Variants in CFAP299 observed in about 807,000 individuals in gnomAD.
CFAP299 encodes cilia and flagella associated protein 299, also known as cilia- and flagella-associated protein 299.
In CFAP299, 21 loss-of-function variants were observed where a neutral mutation model predicts 27.0. That is an observed-to-expected ratio of 0.78 (90% CI 0.55 to 1.12). CFAP299 has a LOEUF of 1.12. Among genes scored for constraint, CFAP299 ranks in the 50% most tolerant of loss-of-function variants. The pLI is 0.00. For synonymous variants in CFAP299, 104 were observed against 98.1 expected (o/e 1.06, Z -0.36); for missense variants, 310 against 276.6 (o/e 1.12, Z -0.86).
intron 3 of CFAP299, among the ~76,000 whole-genome samples, chr4:80,739,095 T>G (rs1724095563): frequency 6.6e-6 from 1 of 152,140 alleles, no homozygotes; most frequent in Admixed American, 6.5e-5. Context: ...TTCTTTCTCT[T>G]TATGTATTAT....
At chr4:80,495,227 C>G (rs1225515741) in intron 2 of CFAP299, among the ~76,000 whole-genome samples, 1 of 152,040 alleles carries the variant, frequency 6.6e-6, no homozygotes, top group Admixed American at 6.5e-5. Context: ...AGGAGAAAAA[C>G]TATTGAATTT....
chr4:80,545,741 C>A (rs1734196006), intron 2 of CFAP299, among the ~76,000 whole-genome samples: 1 of 152,120 alleles, frequency 6.6e-6, no homozygotes, highest in South Asian at 2.1e-4. Context: ...TCTAACTCAT[C>A]CTCTGAAGCA....
chr4:80,653,988 G>A (rs1339150707), intron 3 of CFAP299, among the ~76,000 whole-genome samples: 1 of 152,088 alleles, frequency 6.6e-6, no homozygotes, highest in Non-Finnish European at 1.5e-5. Flanking sequence ...CTAATATAAT[G>A]TGGTGGGAAA....
At chr4:80,826,385 G>A (rs950116254) in intron 3 of CFAP299, among the ~76,000 whole-genome samples, 7 of 151,524 alleles carry the variant, frequency 4.6e-5, no homozygotes, top group African/African-American at 1.7e-4. Context: ...TATTTTAAAT[G>A]TAAATAGACT....
chr4:80,704,919 A>G (rs1025077045), intron 3 of CFAP299, among the ~76,000 whole-genome samples: 8 of 151,810 alleles, frequency 5.3e-5, no homozygotes, highest in African/African-American at 7.2e-5. Flanking sequence ...CATTTCAGAT[A>G]TGATAATAGA....
chr4:80,358,373 G>A (rs1723373141), intron 1 of CFAP299, among the ~76,000 whole-genome samples: 1 of 151,938 alleles, frequency 6.6e-6, no homozygotes, highest in South Asian at 2.1e-4. Flanking sequence ...CTGAGTTTGG[G>A]TCCTGAATAT....
At chr4:80,398,011 G>A (rs1725910224) in intron 2 of CFAP299, among the ~76,000 whole-genome samples, 2 of 152,076 alleles carry the variant, frequency 1.3e-5, no homozygotes, top group South Asian at 4.1e-4. Flanking sequence ...AAATCAATGT[G>A]CAAAAATCAC....
At chr4:80,597,645 T>C (rs954480224) in intron 3 of CFAP299, among the ~76,000 whole-genome samples, 1 of 152,162 alleles carries the variant, frequency 6.6e-6, no homozygotes, top group African/African-American at 2.4e-5. Flanking sequence ...AGTCTAGAAG[T>C]TTTATTGTTT....
At chr4:80,441,461 C>A (rs1339343992) in intron 2 of CFAP299, among the ~76,000 whole-genome samples, 1 of 152,166 alleles carries the variant, frequency 6.6e-6, no homozygotes, top group African/African-American at 2.4e-5. Context: ...AACTAAGCTT[C>A]ATAATTGAAG....
chr4:80,468,701 G>A (rs1005635062), intron 2 of CFAP299, among the ~76,000 whole-genome samples: 9 of 151,754 alleles, frequency 5.9e-5, no homozygotes, highest in African/African-American at 2.2e-4. Flanking sequence ...CGGGCATGCT[G>A]GCGCCTGCCT....
intron 3 of CFAP299, among the ~76,000 whole-genome samples, chr4:80,827,790 A>T (rs1730065019): frequency 6.6e-6 from 1 of 152,006 alleles, no homozygotes; most frequent in Non-Finnish European, 1.5e-5. Flanking sequence ...ATGATGTTAT[A>T]TGTAGAAAAC....
At chr4:80,632,502 T>C (rs1026249524) in intron 3 of CFAP299, among the ~76,000 whole-genome samples, 6 of 152,166 alleles carry the variant, frequency 3.9e-5, no homozygotes, top group Non-Finnish European at 8.8e-5. Context: ...AATAAAACTC[T>C]GGACAATATT....
Position 80,371,409 on chromosome 4 carries a change from C to G in CFAP299, c.242+8525C>G, listed in dbSNP as rs147738126. ...TTGTTATACAAATTTCTGCAGCCTG[C>G]TTGGATTTCTCCCCCCAAAATGAGT... is the stretch of plus-strand genomic sequence containing the variant. On this transcript the variant is annotated intron_variant, in intron 2 of 5. Transcript: ENST00000358105. 6.2e-3 allele frequency among the ~76,000 whole-genome samples: 946 copies of G among 152,280 alleles called. 2 individuals are homozygous for G. Among genetic ancestry groups the G allele is most frequent in the Middle Eastern group, 0.024 (7 of 294 alleles).
At chr4:80,864,980 T>C (rs1021555583) in intron 3 of CFAP299, among the ~76,000 whole-genome samples, 1 of 152,172 alleles carries the variant, frequency 6.6e-6, no homozygotes, top group Non-Finnish European at 1.5e-5. Flanking sequence ...AGAGCCAGCA[T>C]TTGAATCCAA....
chr4:80,690,791 C>G (rs549023783), intron 3 of CFAP299, among the ~76,000 whole-genome samples: 4 of 145,656 alleles, frequency 2.7e-5, no homozygotes, highest in Non-Finnish European at 4.6e-5. Context: ...ATTGATAGAC[C>G]GCTAGCAAGA....
intron 2 of CFAP299, among the ~76,000 whole-genome samples, chr4:80,375,956 G>T (rs1724387502): frequency 6.6e-6 from 1 of 152,192 alleles, no homozygotes; most frequent in African/African-American, 2.4e-5. Context: ...GTTTTTGAAA[G>T]TTAGATGTAT....
At chr4:80,463,726 C>T (rs1268736445) in intron 2 of CFAP299, among the ~76,000 whole-genome samples, 1 of 152,098 alleles carries the variant, frequency 6.6e-6, no homozygotes, top group African/African-American at 2.4e-5. Context: ...AATTTCCTCC[C>T]TAAAGGCCCT....
At chr4:80,762,937 C>G (rs1276859379) in intron 3 of CFAP299, among the ~76,000 whole-genome samples, 2 of 152,204 alleles carry the variant, frequency 1.3e-5, no homozygotes, top group Non-Finnish European at 2.9e-5. Context: ...CAACTTCTTT[C>G]TCTTTCAAAT....
chr4:80,710,768 T>G (rs1722114597), intron 3 of CFAP299, among the ~76,000 whole-genome samples: 1 of 152,058 alleles, frequency 6.6e-6, no homozygotes, highest in Non-Finnish European at 1.5e-5. Context: ...TTTTTTTTAC[T>G]CACTCTAAAA....
Sources: gnomAD v4.1 joint callset for allele counts (sites outside exome capture counted in the v4.1 genomes callset) on GRCh38, gnomAD v4.1.1 for gene constraint, MANE v1.5 for transcripts, NCBI Gene and HGNC (gene_info 2026-07-23, HGNC 2026-07-21) for gene names.